Variants in ATRX observed in about 807,000 individuals in gnomAD.
ATRX encodes chromatin remodeler ATRX.
In ATRX, 12 loss-of-function variants were observed where a neutral mutation model predicts 172.6. That is an observed-to-expected ratio of 0.07 (90% CI 0.04 to 0.11). The LOEUF (loss-of-function observed/expected upper bound fraction) is 0.11. Among genes scored for constraint, ATRX ranks in the 10% least tolerant of loss-of-function variants. ATRX has a pLI of 1.00. For synonymous variants in ATRX, 674 were observed against 594.7 expected (o/e 1.13, Z -1.94); for missense variants, 1,368 against 1,767.4 (o/e 0.77, Z 4.05).
chrX:77,546,696 C>A (rs1301413727), intron 30 of ATRX, among the ~76,000 whole-genome samples: 2 of 111,437 alleles, frequency 1.8e-5, no homozygotes, highest in African/African-American at 6.5e-5. Context: ...GTTGACCAGG[C>A]TGATCCTGAA....
chrX:77,589,418 A>C (rs782615541), intron 27 of ATRX, among the ~76,000 whole-genome samples: 1 of 112,201 alleles, frequency 8.9e-6, no homozygotes, highest in African/African-American at 3.2e-5. Context: ...ACAGGATGTG[A>C]ATTATCTCTC....
intron 15 of ATRX, among the ~76,000 whole-genome samples, chrX:77,643,524 G>T (rs897672862): frequency 1.3e-4 from 15 of 111,136 alleles, no homozygotes; most frequent in African/African-American, 4.9e-4. Context: ...CACCTCAACC[G>T]ATCTAGCCAC....
At chrX:77,521,632 T>A (rs782183043) in intron 32 of ATRX, 134 bp from the exon 33 acceptor site, 1 of 473,153 alleles carries the variant, frequency 2.1e-6, no homozygotes, top group East Asian at 3.8e-5. Context: ...AACAGCAAAA[T>A]TCAGTATCAA....
At chrX:77,656,487 A>C in intron 13 of ATRX, 73 bp downstream of exon 13, 1 of 769,491 alleles carries the variant, frequency 1.3e-6, no homozygotes, top group Non-Finnish European at 2.0e-6. Context: ...TGGTAACAGT[A>C]ACCATATAAA....
At position 77,682,867 on chromosome X, in the gene ATRX, A is replaced by G. The variant is rs782418110; in HGVS notation, c.2389T>C (p.Ser797Pro). Residue 797 changes from serine to proline, a missense_variant, in exon 9 of 35, where the codon TCA (serine) becomes CCA (proline). Physicochemically the swap from Ser to Pro is moderately conservative, Grantham distance 74. This residue lies in a region of ATRX where 843 missense variants were observed against 643.1 expected (regional missense o/e 1.31). Coordinates refer to ENST00000373344, the MANE Select transcript of ATRX (RefSeq NM_000489.6). The part of the protein sequence containing the change: ...GSDFDTKKGK[S>P]AKSSIISKKK... ...TTAGAAATTATAGAGCTCTTAGCTG[A>G]TTTGCCCTTTTTAGTATCAAAATCT... 1 of 1,207,136 alleles carries G rather than the reference A, an allele frequency of 8.3e-7. No homozygotes were observed. The highest frequency in any genetic ancestry group is 1.1e-6 in the Non-Finnish European group (1 of 894,537).
At chrX:77,763,033 GA>G (rs1557193600) in intron 1 of ATRX, among the ~76,000 whole-genome samples, 1 of 111,461 alleles carries the variant, frequency 9.0e-6, no homozygotes. Context: ...ATAATCCACT[GA>G]AGGGTAAGTG....
intron 30 of ATRX, among the ~76,000 whole-genome samples, chrX:77,530,786 C>A (rs782498633): frequency 1.8e-5 from 2 of 109,135 alleles, no homozygotes; most frequent in Non-Finnish European, 3.8e-5. Context: ...ACATGGAAAA[C>A]CCCTAAGAAA....
At position 77,652,368 on chromosome X, in the gene ATRX, CAATT is replaced by C; in HGVS notation, c.4318-19_4318-16del. The C allele has an allele frequency of 8.4e-7, 1 of 1,194,266 alleles. No homozygotes were observed. Among genetic ancestry groups the C allele is most frequent in the Non-Finnish European group, 1.1e-6 (1 of 884,780 alleles). On this transcript the variant is annotated splice_polypyrimidine_tract_variant and intron_variant, in intron 14 of 34. Transcript: ENST00000373344. ...TCAGAATTACTCTACAGAATTTAAA[CAATT>C]AGAGGTAAACAGTACAAAGTCATTT... is the stretch of plus-strand genomic sequence containing the variant.
At chrX:77,765,945 C>A (rs1397817608) in intron 1 of ATRX, among the ~76,000 whole-genome samples, 3 of 104,201 alleles carry the variant, frequency 2.9e-5, no homozygotes, top group East Asian at 3.0e-4. Flanking sequence ...CATCTTGCAC[C>A]GCCCTTAATC....
At position 77,520,849 on chromosome X, in the gene ATRX, T is replaced by A; in HGVS notation, c.7139A>T (p.Gln2380Leu). The part of the protein sequence containing the change: ...QALALSRQAS[Q>L]ELDVKRREAI... ...TTCTCTTCGTTTAACATCAAGCTCC[T>A]GGCTGGCTTGTCTACTTAATGCTAA... Residue 2380 changes from glutamine to leucine, a missense_variant, in exon 34 of 35, where the codon CAG (glutamine) becomes CTG (leucine). This residue lies in a region of ATRX where 100 missense variants were observed against 153.9 expected (regional missense o/e 0.65). Coordinates refer to ENST00000373344, the MANE Select transcript of ATRX (RefSeq NM_000489.6). 2 of 1,209,765 alleles carry A rather than the reference T, an allele frequency of 1.7e-6. No individual in the cohort carries two copies. Among genetic ancestry groups the A allele is most frequent in the African/African-American group, 3.5e-5 (2 of 57,915 alleles).
Position 77,541,002 on chromosome X carries a change from C to G in ATRX, c.6699+16449G>C, listed in dbSNP as rs560743854. On this transcript the variant is annotated intron_variant, in intron 30 of 34. Transcript: ENST00000373344. ...GAAGGAGATAGAGACATAAAAAAAC[C>G]TTCAAAAAAAATCAATGAATCCAGG... Among the ~76,000 whole-genome samples the G allele has an allele frequency of 4.5e-5, 5 of 110,909 alleles. No individual in the cohort carries two copies. The Middle Eastern group carries it at 0.019, about 413-fold the overall frequency.
In ATRX at chrX:77,647,979, T is replaced by C. The variant is rs112919662; in HGVS notation, c.4557+4135A>G. 3.3e-3 allele frequency among the ~76,000 whole-genome samples: 366 copies of C among 111,832 alleles called. 4 individuals are homozygous for C. Among genetic ancestry groups the C allele is most frequent in the African/African-American group, 0.011 (348 of 30,848 alleles). On this transcript the variant is annotated intron_variant, in intron 15 of 34. Transcript: ENST00000373344. ...ATGTTGGAAAAGAAAGATGATGATG[T>C]CGTTACCATTATTATCAAATACAGC...
chrX:77,563,351 C>T (rs1041048194), intron 28 of ATRX, among the ~76,000 whole-genome samples: 4 of 112,402 alleles, frequency 3.6e-5, no homozygotes, highest in Non-Finnish European at 7.5e-5. Context: ...TATGCTCTCT[C>T]CATTTAATTG....
chrX:77,658,521 T>A (rs781938430), intron 12 of ATRX, among the ~76,000 whole-genome samples: 2 of 112,268 alleles, frequency 1.8e-5, no homozygotes, highest in East Asian at 5.6e-4. Context: ...AAAACTAATC[T>A]CTGAATAAGA....
chrX:77,560,752 T>A (rs782701190), intron 28 of ATRX, among the ~76,000 whole-genome samples: 1 of 111,442 alleles, frequency 9.0e-6, no homozygotes. Context: ...TGGTATAAAA[T>A]AAATAGAGAT....
rs372133964 is a variant in ATRX, at chrX:77,652,129, T to C, written c.4542A>G (p.Arg1514=). 6.9e-5 allele frequency: 84 copies of C among 1,209,161 alleles called. No individual in the cohort carries two copies. The highest frequency in any genetic ancestry group is 9.3e-5 in the Non-Finnish European group (83 of 894,958). The part of the protein sequence containing the change: ...RKRIAERERE[R]EKLREVIEIE... Reference sequence around the variant, plus strand: ...AATTAGTTACCTCTCTCAATTTTTCTCGCTCACGCTCCCTCTCAGCAATAC... The same window carrying C: ...AATTAGTTACCTCTCTCAATTTTTCCCGCTCACGCTCCCTCTCAGCAATAC... Residue 1514 remains arginine, a synonymous_variant, in exon 15 of 35, where the codon CGA becomes CGG. Coordinates refer to ENST00000373344, the MANE Select transcript of ATRX (RefSeq NM_000489.6).
chrX:77,596,346 A>T (rs1569528380), intron 25 of ATRX: 2 of 110,665 alleles, frequency 1.8e-5, no homozygotes, highest in African/African-American at 6.6e-5. Context: ...TAAGAAAGTC[A>T]TTTTTTTTAA....
intron 3 of ATRX, 129 bp downstream of exon 3, chrX:77,698,445 A>G (rs1402414546): frequency 3.7e-6 from 2 of 536,336 alleles, no homozygotes; most frequent in African/African-American, 2.3e-5. Flanking sequence ...GAAAACAACG[A>G]AACTGAAGTA....
rs782258265 is a variant in ATRX, at chrX:77,551,633, T to C, written c.6699+5818A>G. ...ATTGACAAATGGGATCTAATTAAAC[T>C]AAAGAGCCTCCGCACAGCAAAAGAA... is the stretch of plus-strand genomic sequence containing the variant. On this transcript the variant is annotated intron_variant, in intron 30 of 34. Transcript: ENST00000373344. Among the ~76,000 whole-genome samples the C allele has an allele frequency of 7.2e-5, 8 of 111,755 alleles. No individual in the cohort carries two copies. The South Asian group carries it at 3.0e-3, about 42-fold the overall frequency.
Sources: allele counts gnomAD v4.1 joint callset (sites outside exome capture counted in the v4.1 genomes callset), GRCh38; gene constraint gnomAD v4.1.1; regional missense constraint gnomAD v4.1.1; transcripts MANE v1.5; gene names NCBI Gene and HGNC (gene_info 2026-07-23, HGNC 2026-07-21).